Variants in TTC29 observed in about 807,000 individuals in gnomAD.
TTC29 encodes the protein tetratricopeptide repeat protein 29.
In TTC29, 49 loss-of-function variants were observed where a neutral mutation model predicts 58.1. The ratio of observed to expected loss-of-function variants is 0.84; its 90% CI spans 0.67 to 1.07. The LOEUF is 1.07. Ranked by LOEUF, TTC29 falls within the 50% of genes least tolerant of loss-of-function variation. The probability of loss-of-function intolerance (pLI) is 0.00; values close to 1 mark genes in which losing one functional copy is unlikely to be tolerated. For synonymous variants in TTC29, 209 were observed against 196.8 expected (o/e 1.06, Z -0.52); for missense variants, 582 against 555.6 (o/e 1.05, Z -0.48).
At chr4:146,945,619 G>A (rs2150348932) in intron 1 of TTC29, 90 bp downstream of exon 1, 1 of 152,868 alleles carries the variant, frequency 6.5e-6, no homozygotes, top group East Asian at 1.9e-4. Flanking sequence ...GCTGGCTGTA[G>A]GGGTCAGGGA....
At chr4:146,834,654 C>T (rs1484230746) in intron 8 of TTC29, among the ~76,000 whole-genome samples, 2 of 152,134 alleles carry the variant, frequency 1.3e-5, no homozygotes, top group African/African-American at 4.8e-5. Flanking sequence ...TCTCCAAAGA[C>T]CTCTATGGAA....
chr4:146,775,637 G>A (rs1748036520), intron 11 of TTC29, among the ~76,000 whole-genome samples: 1 of 151,696 alleles, frequency 6.6e-6, no homozygotes, highest in Non-Finnish European at 1.5e-5. Context: ...AGCCCAATGG[G>A]GTTCTCTTTG....
At chr4:146,797,811 C>T (rs749561445) in intron 11 of TTC29, among the ~76,000 whole-genome samples, 148 of 142,528 alleles carry the variant, frequency 1.0e-3, no homozygotes, top group Non-Finnish European at 1.8e-3. Flanking sequence ...TGTAAAACAA[C>T]TGGCCACTGA....
At chr4:146,777,770 C>T (rs1748219858) in intron 11 of TTC29, among the ~76,000 whole-genome samples, 1 of 152,114 alleles carries the variant, frequency 6.6e-6, no homozygotes, top group Non-Finnish European at 1.5e-5. Flanking sequence ...CTTTAGAGTC[C>T]TTGAGTTATC....
At chr4:146,811,451 T>G (rs1751018892) in intron 10 of TTC29, among the ~76,000 whole-genome samples, 1 of 152,030 alleles carries the variant, frequency 6.6e-6, no homozygotes, top group Non-Finnish European at 1.5e-5. Context: ...GAGACAAAAT[T>G]TCCTTTCTTC....
At position 146,803,543 on chromosome 4, in the gene TTC29, T is replaced by C. The variant is rs1750383798; in HGVS notation, c.1244A>G (p.Tyr415Cys). The C allele has an allele frequency of 1.2e-6, 2 of 1,603,724 alleles. No homozygotes were observed. The highest frequency in any genetic ancestry group is 1.1e-5 in the South Asian group (1 of 88,970). ...AHQMMLTVNN[Y>C]IESADLTSLN... Reference sequence around the variant, plus strand: ...GCTGGTGAGATCTGCAGACTCTATATAGTTGTTCACTGTAAGCATCATCTG... The same window carrying C: ...GCTGGTGAGATCTGCAGACTCTATACAGTTGTTCACTGTAAGCATCATCTG... The change falls in exon 11 of 13, where the codon TAT becomes TGT. Residue 415 changes from tyrosine (Y) to cysteine (C), a missense_variant. Coordinates refer to ENST00000325106, the MANE Select transcript of TTC29 (RefSeq NM_031956.4).
rs749879888 is a variant in TTC29 at position 146,903,739 on chromosome 4, G to C, written c.401-10C>G. The C allele has an allele frequency of 1.3e-6, 2 of 1,548,310 alleles. No homozygotes were observed. The highest frequency in any genetic ancestry group is 1.3e-5 in the South Asian group (1 of 79,918). ...ACATCTTCGAAGGATTCTTCAAAGA[G>C]AGAAAAGCACCATGAATGGCATTAG... On this transcript the variant is annotated splice_polypyrimidine_tract_variant and intron_variant, in intron 5 of 12. Coordinates refer to ENST00000325106, the MANE Select transcript of TTC29 (RefSeq NM_031956.4).
At chr4:146,904,200 T>C (rs1466216141) in intron 5 of TTC29, among the ~76,000 whole-genome samples, 1 of 152,138 alleles carries the variant, frequency 6.6e-6, no homozygotes, top group African/African-American at 2.4e-5. Flanking sequence ...TACCAAGGTA[T>C]TTCATATCAT....
intron 7 of TTC29, among the ~76,000 whole-genome samples, chr4:146,873,747 G>C (rs536257166): frequency 1.3e-5 from 2 of 152,224 alleles, no homozygotes; most frequent in African/African-American, 4.8e-5. Context: ...CTGTGAGTAT[G>C]TTGACTAATA....
intron 11 of TTC29, among the ~76,000 whole-genome samples, chr4:146,725,404 T>C (rs958512192): frequency 6.6e-6 from 1 of 152,092 alleles, no homozygotes; most frequent in Non-Finnish European, 1.5e-5. Flanking sequence ...AATGTGGTGA[T>C]GCATGCCTAT....
chr4:146,875,037 T>A, intron 6 of TTC29, 109 bp from the exon 7 acceptor site: 1 of 786,516 alleles, frequency 1.3e-6, no homozygotes, highest in Non-Finnish European at 2.0e-6. Context: ...CCGAGGATTA[T>A]GGTGAAGGAT....
At chr4:146,779,041 CG>C (rs1253945254) in intron 11 of TTC29, among the ~76,000 whole-genome samples, 1 of 128,068 alleles carries the variant, frequency 7.8e-6, no homozygotes, top group African/African-American at 3.1e-5. Flanking sequence ...GTAAGACTTA[CG>C]GGCTAGACAA....
At chr4:146,891,297 TA>T (rs1312561346) in intron 6 of TTC29, among the ~76,000 whole-genome samples, 24 of 152,286 alleles carry the variant, frequency 1.6e-4, no homozygotes, top group African/African-American at 5.1e-4. Flanking sequence ...ATTATCCACT[TA>T]AAAAATGTTA....
At chr4:146,824,033 C>T (rs1752018419) in intron 9 of TTC29, among the ~76,000 whole-genome samples, 2 of 152,198 alleles carry the variant, frequency 1.3e-5, no homozygotes, top group African/African-American at 4.8e-5. Context: ...AATATACAAT[C>T]ATGTCATCTG....
chr4:146,856,402 C>G (rs537861793), intron 8 of TTC29, among the ~76,000 whole-genome samples: 6 of 151,892 alleles, frequency 4.0e-5, no homozygotes, highest in Non-Finnish European at 5.9e-5. Context: ...TAAAAAAAAT[C>G]AATAAATTTT....
intron 6 of TTC29, among the ~76,000 whole-genome samples, chr4:146,881,197 G>A (rs1377468334): frequency 1.3e-5 from 2 of 152,102 alleles, no homozygotes; most frequent in Admixed American, 1.3e-4. Flanking sequence ...GTCTGTTTTA[G>A]CTCCATGCAT....
At chr4:146,746,213 TA>T (rs969437660) in intron 11 of TTC29, among the ~76,000 whole-genome samples, 6 of 151,012 alleles carry the variant, frequency 4.0e-5, no homozygotes, top group Admixed American at 6.6e-5. Flanking sequence ...ATTACAAACT[TA>T]AAAAAAAAGA....
At chr4:146,714,091 A>G (rs930967555) in intron 11 of TTC29, among the ~76,000 whole-genome samples, 1 of 152,212 alleles carries the variant, frequency 6.6e-6, no homozygotes, top group East Asian at 1.9e-4. Context: ...TGAACAAAAT[A>G]TATGAAACAA....
At chr4:146,937,546 C>A in intron 4 of TTC29, 48 bp downstream of exon 4, 1 of 1,215,254 alleles carries the variant, frequency 8.2e-7, no homozygotes, top group Non-Finnish European at 1.1e-6. Context: ...AGAATCAAGA[C>A]AAAAGAAACA....
Sources: allele counts gnomAD v4.1 joint callset (sites outside exome capture counted in the v4.1 genomes callset), GRCh38; gene constraint gnomAD v4.1.1; transcripts MANE v1.5; gene names NCBI Gene and HGNC (gene_info 2026-07-23, HGNC 2026-07-21).